ATXN7: variants seen among roughly 807,000 people sequenced by gnomAD.
ATXN7 encodes ataxin-7.
Under a neutral mutation model 70.5 loss-of-function variants are expected in ATXN7, and 12 were observed. The ratio of observed to expected loss-of-function variants is 0.17; its 90% CI spans 0.11 to 0.28. ATXN7 has a LOEUF of 0.28. ATXN7 is among the 10% of genes least tolerant of loss of function. ATXN7 has a pLI of 1.00. For synonymous variants in ATXN7, 498 were observed against 448.7 expected (o/e 1.11, Z -1.39); for missense variants, 1,256 against 1,131.7 (o/e 1.11, Z -1.58).
chr3:63,884,790 C>A (rs1175647809), intron 1 of ATXN7, among the ~76,000 whole-genome samples: 1 of 151,950 alleles, frequency 6.6e-6, no homozygotes, highest in Non-Finnish European at 1.5e-5. Flanking sequence ...GCTGGAACTA[C>A]AGGTGTGTGC....
In ATXN7 at chr3:63,885,053, G is replaced by C. The variant is rs146908235; in HGVS notation, c.-110-13346G>C. Among the ~76,000 whole-genome samples the C allele has an allele frequency of 4.4e-3, 671 of 152,198 alleles. 4 individuals carry two copies. The highest frequency in any genetic ancestry group is 0.015 in the African/African-American group (634 of 41,500). ...GGAAAGAGACAGCTTCCTGACATTG[G>C]CCTGGGCAGTGACTTTTTGGATATC... On this transcript the variant is annotated intron_variant, in intron 1 of 12. Transcript: ENST00000674280.
At chr3:63,991,457 T>TGAAGAAAGAG (rs1255576142) in intron 11 of ATXN7, among the ~76,000 whole-genome samples, 1 of 152,018 alleles carries the variant, frequency 6.6e-6, no homozygotes, top group Non-Finnish European at 1.5e-5. Context: ...AAAGCCTCTC[T>TGAAGAAAGAG]GAAGAAAGAG....
intron 6 of ATXN7, among the ~76,000 whole-genome samples, chr3:63,981,870 G>A (rs2075492728): frequency 6.6e-6 from 1 of 152,194 alleles, no homozygotes; most frequent in South Asian, 2.1e-4. Context: ...ACCTTCTCAT[G>A]TTTTGCTTCT....
At chr3:63,867,125 A>G (rs1419916714) in intron 1 of ATXN7, 1 of 152,186 alleles carries the variant, frequency 6.6e-6, no homozygotes, top group Non-Finnish European at 1.5e-5. Context: ...CTTTTAGAGC[A>G]AGAGTTATCC....
In ATXN7 at chr3:63,898,761, T is replaced by G. The variant is rs555458735; in HGVS notation, c.-12+264T>G. 2.0e-5 allele frequency among the ~76,000 whole-genome samples: 3 copies of G among 152,280 alleles called. No individual in the cohort carries two copies. The South Asian group carries it at 6.2e-4, about 32-fold the overall frequency. On this transcript the variant is annotated intron_variant, in intron 2 of 12. Transcript: ENST00000674280. ...AAATTTGTTAAAATTGCAGGAAGAC[T>G]TTAGTTATAGAATCCTCCTTCTTTC...
intron 4 of ATXN7, among the ~76,000 whole-genome samples, chr3:63,932,243 C>G (rs2074560415): frequency 6.6e-6 from 1 of 152,148 alleles, no homozygotes; most frequent in African/African-American, 2.4e-5. Context: ...TTAGTGCATT[C>G]ACTGCTGTGT....
chr3:63,988,222 G>C lies in ATXN7; in HGVS notation c.1259G>C (p.Arg420Thr). The C allele has an allele frequency of 3.7e-6, 6 of 1,613,964 alleles. No individual in the cohort carries two copies. Among genetic ancestry groups the C allele is most frequent in the East Asian group, 2.2e-5 (1 of 44,864 alleles). ...AGGGACCCGCATCCCGCCCCTCCTAGAACGTCACAGGAGCCGCACCAAAAC... is the reference window on the plus strand; with the variant it reads ...AGGGACCCGCATCCCGCCCCTCCTACAACGTCACAGGAGCCGCACCAAAAC... ...PLRDPHPAPP[R>T]TSQEPHQNPH... Residue 420 changes from arginine (R) to threonine (T), a missense_variant, in exon 9 of 13, where the codon AGA (arginine) becomes ACA (threonine). By Grantham distance (71) the Arg-to-Thr change is moderately conservative. Coordinates refer to ENST00000674280, the MANE Select transcript of ATXN7 (RefSeq NM_001377405.1).
chr3:63,929,665 C>T (rs1704866526), intron 4 of ATXN7, among the ~76,000 whole-genome samples: 1 of 152,080 alleles, frequency 6.6e-6, no homozygotes, highest in African/African-American at 2.4e-5. Flanking sequence ...ATTGATCTGA[C>T]CTCTCATTCT....
At chr3:63,977,235 A>C (rs1313427098) in intron 5 of ATXN7, among the ~76,000 whole-genome samples, 2 of 152,198 alleles carry the variant, frequency 1.3e-5, no homozygotes, top group African/African-American at 4.8e-5. Context: ...AGTATGTTCA[A>C]ATTGTTTCTT....
intron 1 of ATXN7, among the ~76,000 whole-genome samples, chr3:63,888,786 T>A (rs1703170005): frequency 2.0e-5 from 3 of 152,014 alleles, no homozygotes; most frequent in African/African-American, 7.2e-5. Flanking sequence ...AAAATAAAAA[T>A]TAAAAAAAAC....
chr3:63,963,863 A>G (rs1427378404), intron 5 of ATXN7, among the ~76,000 whole-genome samples: 3 of 152,136 alleles, frequency 2.0e-5, no homozygotes, highest in African/African-American at 7.2e-5. Context: ...TCTGTGGGAT[A>G]GAGTCTCAGG....
At chr3:63,920,708 T>G (rs1385508011) in intron 4 of ATXN7, among the ~76,000 whole-genome samples, 2 of 152,122 alleles carry the variant, frequency 1.3e-5, no homozygotes, top group Non-Finnish European at 2.9e-5. Flanking sequence ...GTATCTACAG[T>G]TTGCATTAGA....
At chr3:63,938,916 A>G (rs1238938425) in intron 4 of ATXN7, among the ~76,000 whole-genome samples, 5 of 152,318 alleles carry the variant, frequency 3.3e-5, no homozygotes, top group Middle Eastern at 3.4e-3. Flanking sequence ...GGTTCTCATC[A>G]TTCTTGGAAC....
intron 4 of ATXN7, among the ~76,000 whole-genome samples, chr3:63,938,607 T>C (rs1397971892): frequency 2.0e-5 from 3 of 152,184 alleles, no homozygotes; most frequent in African/African-American, 7.2e-5. Context: ...GAAGTTGGCA[T>C]TAAAACCAAA....
intron 1 of ATXN7, among the ~76,000 whole-genome samples, chr3:63,887,109 G>A (rs1371938612): frequency 1.3e-5 from 2 of 152,190 alleles, no homozygotes; most frequent in African/African-American, 2.4e-5. Context: ...TATTTATGAA[G>A]TGCTGCCAAT....
chr3:63,930,820 G>A (rs1352651411), intron 4 of ATXN7, among the ~76,000 whole-genome samples: 1 of 151,936 alleles, frequency 6.6e-6, no homozygotes, highest in Non-Finnish European at 1.5e-5. Flanking sequence ...ATGAGCCACC[G>A]CACCCGGCAA....
chr3:63,995,435 G>T, intron 11 of ATXN7, 70 bp from the exon 12 acceptor site: 1 of 1,540,554 alleles, frequency 6.5e-7, no homozygotes. Flanking sequence ...AGCAAAGAGG[G>T]TGGTGCCATC....
At chr3:63,932,768 C>G (rs1414909819) in intron 4 of ATXN7, among the ~76,000 whole-genome samples, 1 of 152,146 alleles carries the variant, frequency 6.6e-6, no homozygotes, top group East Asian at 1.9e-4. Context: ...TCTCTTAGAT[C>G]GGGGCTTAGG....
chr3:63,955,966 A>C (rs1350704367), intron 5 of ATXN7, among the ~76,000 whole-genome samples: 1 of 152,218 alleles, frequency 6.6e-6, no homozygotes, highest in Non-Finnish European at 1.5e-5. Context: ...TGAGCAGCTT[A>C]TTATTCGGAG....
Sources: gnomAD v4.1 joint callset for allele counts (sites outside exome capture counted in the v4.1 genomes callset) on GRCh38, gnomAD v4.1.1 for gene constraint, MANE v1.5 for transcripts, NCBI Gene and HGNC (gene_info 2026-07-23, HGNC 2026-07-21) for gene names.